Variants in TBC1D22A observed in about 807,000 individuals in gnomAD.
TBC1D22A encodes TBC1 domain family member 22A, also known as putative GTPase activator.
Under a neutral mutation model 60.2 loss-of-function variants are expected in TBC1D22A, and 38 were observed. The ratio of observed to expected loss-of-function variants is 0.63; its 90% confidence interval spans 0.49 to 0.83. The LOEUF (loss-of-function observed/expected upper bound fraction) is 0.83, where lower values mean the gene tolerates loss of function less well. TBC1D22A is among the 40% of genes least tolerant of loss of function. TBC1D22A has a pLI of 0.00. For missense variants in TBC1D22A, 628 were observed against 701.0 expected (o/e 0.90, Z 1.18); for synonymous variants, 302 against 281.7 (o/e 1.07, Z -0.72).
chr22:46,904,474 A>ATTTTT (rs34401577), intron 7 of TBC1D22A, among the ~76,000 whole-genome samples: 2,912 of 146,934 alleles, frequency 0.02, 108 homozygotes, highest in African/African-American at 0.07. Flanking sequence ...TGAAAAACGA[A>ATTTTT]TTTTTTTTTT....
At chr22:46,881,770 G>A (rs1357070807) in intron 5 of TBC1D22A, among the ~76,000 whole-genome samples, 6 of 152,174 alleles carry the variant, frequency 3.9e-5, no homozygotes, top group Admixed American at 1.3e-4. Flanking sequence ...GGGGGCAAGC[G>A]TTGGTTCTTT....
intron 3 of TBC1D22A, among the ~76,000 whole-genome samples, chr22:46,796,740 C>T (rs969022896): frequency 3.2e-4 from 2 of 6,190 alleles, no homozygotes; most frequent in East Asian, 3.2e-3. Flanking sequence ...CAGCAGAGGG[C>T]GGGAGGGAGG....
chr22:46,994,952 A>G (rs926965604), intron 9 of TBC1D22A, among the ~76,000 whole-genome samples: 2 of 152,230 alleles, frequency 1.3e-5, no homozygotes, highest in Non-Finnish European at 2.9e-5. Flanking sequence ...CTCCTGTTAA[A>G]TTTCAAATAT....
chr22:46,957,003 C>T (rs1157435472), intron 8 of TBC1D22A, among the ~76,000 whole-genome samples: 1 of 152,212 alleles, frequency 6.6e-6, no homozygotes, highest in African/African-American at 2.4e-5. Flanking sequence ...CCAGCCCTGG[C>T]AGCGCTGGGC....
intron 4 of TBC1D22A, among the ~76,000 whole-genome samples, chr22:46,870,220 C>T (rs1226385285): frequency 6.6e-6 from 1 of 152,208 alleles, no homozygotes; most frequent in Non-Finnish European, 1.5e-5. Context: ...CCAAGCTGGT[C>T]CTTGAACCCA....
chr22:46,762,671 G>A lies in TBC1D22A; in HGVS notation c.-116G>A, dbSNP rs771518120. ...AGGCGGAAGAGCTTCTCGGCTCTAG[G>A]CTCTGGAGTCCCGGGAGCAGTGAGG... is the stretch of plus-strand genomic sequence containing the variant. On this transcript the variant is annotated 5_prime_UTR_variant, in exon 1 of 13. Coordinates refer to ENST00000337137, the MANE Select transcript of TBC1D22A (RefSeq NM_014346.5). The A allele has an allele frequency of 1.1e-6, 1 of 874,448 alleles. No homozygotes were observed. Among genetic ancestry groups the A allele is most frequent in the Non-Finnish European group, 1.6e-6 (1 of 619,364 alleles). The allele number at this position is 874,448 out of a possible 1,614,324, so 54.2% of individuals were successfully genotyped here. A position where few individuals can be genotyped will look rare whatever the true frequency, so the allele number is the denominator to read the frequency against.
chr22:46,924,736 A>G (rs1569228145), intron 8 of TBC1D22A, among the ~76,000 whole-genome samples: 1 of 115,958 alleles, frequency 8.6e-6, no homozygotes. Flanking sequence ...CAAGAGTGAA[A>G]CTCTATCTCA....
intron 8 of TBC1D22A, among the ~76,000 whole-genome samples, chr22:46,969,819 G>C (rs757352542): frequency 6.6e-6 from 1 of 152,208 alleles, no homozygotes; most frequent in Non-Finnish European, 1.5e-5. Flanking sequence ...TGTAGGGGAA[G>C]AAAGGGCCAA....
chr22:46,957,730 C>T (rs535908882), intron 8 of TBC1D22A, among the ~76,000 whole-genome samples: 72 of 152,324 alleles, frequency 4.7e-4, no homozygotes, highest in African/African-American at 1.6e-3. Context: ...GCGCCAGAGA[C>T]GCCATGCTGG....
At chr22:46,911,898 A>AAC (rs1284537740) in intron 7 of TBC1D22A, among the ~76,000 whole-genome samples, 176 bp from the exon 8 acceptor site, 6 of 148,992 alleles carry the variant, frequency 4.0e-5, no homozygotes, top group Non-Finnish European at 8.9e-5. Context: ...TAGCCTGGGC[A>AAC]ACAGAGTAAG....
intron 12 of TBC1D22A, among the ~76,000 whole-genome samples, chr22:47,147,109 G>A (rs897016646): frequency 2.0e-5 from 3 of 152,220 alleles, no homozygotes; most frequent in Non-Finnish European, 4.4e-5. Context: ...AAGGGCGAGG[G>A]AGGAGCAGCG....
At chr22:46,827,472 C>T (rs771193766) in intron 4 of TBC1D22A, among the ~76,000 whole-genome samples, 1 of 152,242 alleles carries the variant, frequency 6.6e-6, no homozygotes, top group Non-Finnish European at 1.5e-5. Flanking sequence ...CCCAGAGCCC[C>T]TTCGGAATCT....
At chr22:46,844,218 T>C (rs1326650003) in intron 4 of TBC1D22A, among the ~76,000 whole-genome samples, 3 of 151,678 alleles carry the variant, frequency 2.0e-5, no homozygotes, top group Non-Finnish European at 4.4e-5. Flanking sequence ...AGCATCCCCG[T>C]CTGTGGTCTT....
rs2062205196 is a variant in TBC1D22A, at chr22:47,024,878, C to G, written c.1202-12193C>G. 2.0e-5 allele frequency among the ~76,000 whole-genome samples: 3 copies of G among 152,112 alleles called. No individual in the cohort carries two copies. The South Asian group carries it at 6.2e-4, about 32-fold the overall frequency. The stretch of plus-strand genomic sequence containing the variant: ...CTCAAAAGAAAAAAAAGAGAAAAGC[C>G]CACAAATATGAAGAAGCAAATAGTT... On this transcript the variant is annotated intron_variant, in intron 10 of 12. Coordinates refer to ENST00000337137, the MANE Select transcript of TBC1D22A (RefSeq NM_014346.5).
chr22:46,886,137 G>A (rs1050376089), intron 5 of TBC1D22A, among the ~76,000 whole-genome samples: 1 of 152,050 alleles, frequency 6.6e-6, no homozygotes, highest in African/African-American at 2.4e-5. Flanking sequence ...CTGACCTCGT[G>A]ATCTGCCCGC....
chr22:46,774,863 T>A (rs963911341), intron 1 of TBC1D22A, among the ~76,000 whole-genome samples: 11 of 152,250 alleles, frequency 7.2e-5, no homozygotes, highest in Non-Finnish European at 1.0e-4. Context: ...TTCCTTCTCA[T>A]GTGCGCTGTG....
At chr22:46,989,788 A>ACACACACAC (rs1569309567) in intron 9 of TBC1D22A, among the ~76,000 whole-genome samples, 2 of 108,692 alleles carry the variant, frequency 1.8e-5, no homozygotes, top group African/African-American at 9.0e-5. Context: ...CACACACACA[A>ACACACACAC]TAAATAAATA....
intron 4 of TBC1D22A, among the ~76,000 whole-genome samples, chr22:46,851,476 C>T (rs534389765): frequency 4.6e-5 from 7 of 152,230 alleles, no homozygotes; most frequent in Non-Finnish European, 8.8e-5. Context: ...CTGCTGGTGC[C>T]GGCCTGGCCC....
chr22:47,114,805 T>C (rs1178382390), intron 12 of TBC1D22A, among the ~76,000 whole-genome samples: 1 of 152,158 alleles, frequency 6.6e-6, no homozygotes, highest in Non-Finnish European at 1.5e-5. Flanking sequence ...GCAGAGACCC[T>C]CCTGTTGTTA....
Sources: allele counts gnomAD v4.1 joint callset (sites outside exome capture counted in the v4.1 genomes callset), GRCh38; gene constraint gnomAD v4.1.1; transcripts MANE v1.5; gene names NCBI Gene and HGNC (gene_info 2026-07-23, HGNC 2026-07-21).